LARGE1: variants seen among roughly 807,000 people sequenced by gnomAD.
The protein encoded by LARGE1 is LARGE xylosyl- and glucuronyltransferase 1.
A neutral mutation model predicts 87.6 loss-of-function variants in LARGE1; 43 were observed. That is an observed-to-expected ratio of 0.49 (90% CI 0.38 to 0.63). The LOEUF (loss-of-function observed/expected upper bound fraction) is 0.63, where lower values mean the gene tolerates loss of function less well. Among genes scored for constraint, LARGE1 ranks in the 30% least tolerant of loss-of-function variants. The pLI is 0.00. For missense variants in LARGE1, 802 were observed against 1,000.2 expected (o/e 0.80, Z 2.67); for synonymous variants, 434 against 394.6 (o/e 1.10, Z -1.18).
chr22:33,718,993 TG>T (rs1358925908), intron 2 of LARGE1, among the ~76,000 whole-genome samples: 1 of 152,118 alleles, frequency 6.6e-6, no homozygotes, highest in Non-Finnish European at 1.5e-5. Context: ...TTCACCATGT[TG>T]GCCAGGCTCA....
chr22:33,273,572 C>T lies in LARGE1; in HGVS notation c.*855G>A, dbSNP rs1026093397. 2 of 398,732 alleles carry T rather than the reference C, an allele frequency of 5.0e-6. No individual in the cohort carries two copies. The highest frequency in any genetic ancestry group is 8.8e-6 in the Non-Finnish European group (2 of 226,212). The allele number at this position is 398,732 out of a possible 1,614,324, so 24.7% of individuals were successfully genotyped here. A position where few individuals can be genotyped will look rare whatever the true frequency, so the allele number is the denominator to read the frequency against. ...AGCCAGCCCTCGTAATTCCGCAGTC[C>T]CCATCGCTATAGCCCCTGGATTCTG... On this transcript the variant is annotated 3_prime_UTR_variant, in exon 15 of 15. Transcript: ENST00000397394.
At position 33,604,566 on chromosome 22, in the gene LARGE1, G is replaced by A. The variant is rs764180554; in HGVS notation, c.492-8C>T. 1.2e-5 allele frequency: 20 copies of A among 1,613,954 alleles called. No homozygotes were observed. The Admixed American group carries it at 3.3e-4, about 27-fold the overall frequency. On this transcript the variant is annotated splice_polypyrimidine_tract_variant and splice_region_variant and intron_variant, in intron 4 of 14. Transcript: ENST00000397394. Reference sequence around the variant, plus strand: ...AAGTGCAGAGGGTTCCGTCTGTGGGGAGTGTGAGAAGGAAGGGTCAGGTGG... The same window carrying A: ...AAGTGCAGAGGGTTCCGTCTGTGGGAAGTGTGAGAAGGAAGGGTCAGGTGG...
Position 33,187,921 on chromosome 22 carries a change from C to CAAAAAAAAAAAAA in LARGE1, c.1731-21102_1731-21090dup, listed in dbSNP as rs578115819. On this transcript the variant is annotated intron_variant, in intron 11 of 11. Coordinates refer to the LARGE1 transcript ENST00000608642. ...TGGGCAACAGAGTGAGACTCCGTCTCAAAAAAAAAAAAAAAAAAAAAAAAA... is the reference window on the plus strand; with the variant it reads ...TGGGCAACAGAGTGAGACTCCGTCTCAAAAAAAAAAAAAAAAAAAAAAAAAAAAAAAAAAAAAA... Among the ~76,000 whole-genome samples, 5 of 36,890 alleles carry CAAAAAAAAAAAAA rather than the reference C, an allele frequency of 1.4e-4. 1 individual carries two copies. The highest frequency in any genetic ancestry group is 1.5e-3 in the South Asian group (1 of 658). The allele number at this position is 36,890 out of a possible 152,430, so 24.2% of individuals were successfully genotyped here. A position where few individuals can be genotyped will look rare whatever the true frequency, so the allele number is the denominator to read the frequency against.
At chr22:33,077,938 G>A in the LARGE1 span, among the ~76,000 whole-genome samples, 7 of 148,600 alleles carry the variant, frequency 4.7e-5, no homozygotes, top group African/African-American at 1.5e-4. Flanking sequence ...CCTTTGTTTC[G>A]TTTCCTTTTT....
chr22:33,170,186 T>G (rs1037869124), intron 11 of LARGE1, among the ~76,000 whole-genome samples: 1 of 152,038 alleles, frequency 6.6e-6, no homozygotes, highest in African/African-American at 2.4e-5. Flanking sequence ...CTGGCCAACA[T>G]GATGAATCCC....
At chr22:33,850,182 A>G (rs1042826307) in intron 1 of LARGE1, among the ~76,000 whole-genome samples, 3 of 152,206 alleles carry the variant, frequency 2.0e-5, no homozygotes, top group South Asian at 2.1e-4. Flanking sequence ...ACTGAGGATC[A>G]GAAGATCTCG....
intron 11 of LARGE1, among the ~76,000 whole-genome samples, chr22:33,176,154 C>T (rs1922857634): frequency 6.6e-6 from 1 of 152,102 alleles, no homozygotes; most frequent in Admixed American, 6.6e-5. Context: ...AAAACTAACT[C>T]AAGATGGATG....
chr22:33,778,002 T>C (rs2085302774), intron 1 of LARGE1, among the ~76,000 whole-genome samples: 1 of 152,156 alleles, frequency 6.6e-6, no homozygotes, highest in Non-Finnish European at 1.5e-5. Context: ...ACATCTCCTT[T>C]GCCCAGAATT....
At chr22:33,671,882 T>C (rs5754634) in intron 2 of LARGE1, among the ~76,000 whole-genome samples, 12,303 of 152,210 alleles carry the variant, frequency 0.081, 563 homozygotes, top group Middle Eastern at 0.14. Flanking sequence ...TGGCCATTCT[T>C]GTCTGTATGT....
rs2079198142 is a variant in LARGE1 at position 33,604,510 on chromosome 22, C to T, written c.540G>A (p.Gln180=). 1.2e-6 allele frequency: 2 copies of T among 1,613,972 alleles called. No homozygotes were observed. The highest frequency in any genetic ancestry group is 1.7e-6 in the Non-Finnish European group (2 of 1,180,000). Residue 180 remains glutamine (Q), a synonymous_variant, in exon 5 of 15, where the codon CAG becomes CAA. Coordinates refer to ENST00000397394, the MANE Select transcript of LARGE1 (RefSeq NM_133642.5). ...AGGTCTGGAAGAGCGTGGCCAGGATCTGCTCCGCAATGGAGTCAGCAATAA... is the reference window on the plus strand; with the variant it reads ...AGGTCTGGAAGAGCGTGGCCAGGATTTGCTCCGCAATGGAGTCAGCAATAA... ...FHLIADSIAE[Q]ILATLFQTWM...
At chr22:33,433,791 C>T (rs1415597341) in intron 6 of LARGE1, among the ~76,000 whole-genome samples, 4 of 152,220 alleles carry the variant, frequency 2.6e-5, no homozygotes, top group South Asian at 2.1e-4. Context: ...GAAGCCCATC[C>T]GCACTTAAGA....
chr22:33,556,221 G>A (rs1028337839), intron 6 of LARGE1, among the ~76,000 whole-genome samples: 50 of 151,664 alleles, frequency 3.3e-4, no homozygotes, highest in African/African-American at 1.2e-3. Context: ...AGAATCTAGC[G>A]GTTAAGTGTC....
downstream of LARGE1, among the ~76,000 whole-genome samples, chr22:33,161,987 T>A (rs1351812485): frequency 6.6e-6 from 1 of 152,234 alleles, no homozygotes; most frequent in Non-Finnish European, 1.5e-5. Context: ...CATATCACTA[T>A]CAGCCTTTTG....
rs149327840 is a variant in LARGE1, at chr22:33,704,300, G to T, written c.107-53632C>A. Among the ~76,000 whole-genome samples the T allele has an allele frequency of 5.2e-3, 786 of 152,322 alleles. 5 individuals carry two copies. Among genetic ancestry groups the T allele is most frequent in the African/African-American group, 0.018 (732 of 41,568 alleles). ...GGGCTGTGACCCAGTACAAGCACGG[G>T]TGTGCAGACAGGGGAACTTACTGGA... On this transcript the variant is annotated intron_variant, in intron 2 of 14. Coordinates refer to ENST00000397394, the MANE Select transcript of LARGE1 (RefSeq NM_133642.5).
chr22:33,684,122 G>A (rs1223685585), intron 2 of LARGE1, among the ~76,000 whole-genome samples: 2 of 152,122 alleles, frequency 1.3e-5, no homozygotes, highest in African/African-American at 4.8e-5. Flanking sequence ...AGTACCGAAC[G>A]TGCTTGCTCT....
chr22:33,899,589 A>T (rs2065232265), intron 1 of LARGE1, among the ~76,000 whole-genome samples: 1 of 152,228 alleles, frequency 6.6e-6, no homozygotes, highest in Non-Finnish European at 1.5e-5. Context: ...TGAGAGTTCC[A>T]AGCAAGCAGG....
intron 1 of LARGE1, among the ~76,000 whole-genome samples, chr22:33,915,924 C>A (rs1472919731): frequency 2.0e-5 from 3 of 152,222 alleles, no homozygotes; most frequent in Admixed American, 2.0e-4. Flanking sequence ...CCTCCCTACT[C>A]TCCTGGGAAG....
intron 2 of LARGE1, among the ~76,000 whole-genome samples, chr22:33,733,858 T>C (rs904650078): frequency 6.6e-6 from 1 of 152,138 alleles, no homozygotes; most frequent in Non-Finnish European, 1.5e-5. Context: ...AGAAAGACCA[T>C]AGCATTCATG....
chr22:33,290,579 G>A (rs1180651110), intron 12 of LARGE1, among the ~76,000 whole-genome samples: 2 of 152,214 alleles, frequency 1.3e-5, no homozygotes, highest in African/African-American at 4.8e-5. Context: ...CGTGTGCCAT[G>A]GAGGAGTCAC....
Sources: gnomAD v4.1 joint callset for allele counts (sites outside exome capture counted in the v4.1 genomes callset) on GRCh38, gnomAD v4.1.1 for gene constraint, MANE v1.5 for transcripts, NCBI Gene and HGNC (gene_info 2026-07-23, HGNC 2026-07-21) for gene names.